UBE2O: variants seen among roughly 807,000 people sequenced by gnomAD.
UBE2O encodes the protein (E3-independent) E2 ubiquitin-conjugating enzyme.
A neutral mutation model predicts 125.8 loss-of-function variants in UBE2O; 15 were observed. The observed-to-expected ratio is 0.12, with a 90% CI of 0.08 to 0.18. The LOEUF (loss-of-function observed/expected upper bound fraction) is 0.18. Ranked by LOEUF, UBE2O falls within the 10% of genes least tolerant of loss-of-function variation. UBE2O has a pLI of 1.00. For synonymous variants in UBE2O, 708 were observed against 703.2 expected (o/e 1.01, Z -0.11); for missense variants, 1,280 against 1,723.6 (o/e 0.74, Z 4.56).
chr17:76,405,676 T>C lies in UBE2O; in HGVS notation c.418-104A>G. On this transcript the variant is annotated intron_variant, in intron 1 of 17. Transcript: ENST00000319380. This position sits in a 1 kb window ranked among gnomAD's most constrained non-coding sequence, Gnocchi z 6.1. ...AAAGCGTCACATCCACACTGCTAAG[T>C]GCACAAATCCTAAGCGTTTGGCTAG... The C allele has an allele frequency of 9.9e-7, 1 of 1,007,762 alleles. No individual in the cohort carries two copies. The highest frequency in any genetic ancestry group is 2.1e-5 in the Admixed American group (1 of 46,546). 62.4% of individuals were successfully genotyped at this position (1,007,762 alleles called of 1,614,324 possible). A position where few individuals can be genotyped will look rare whatever the true frequency, so the allele number is the denominator to read the frequency against.
At chr17:76,446,299 T>C (rs1567857764) in intron 1 of UBE2O, among the ~76,000 whole-genome samples, 1 of 152,188 alleles carries the variant, frequency 6.6e-6, no homozygotes, top group African/African-American at 2.4e-5. Context: ...CCCAGGACTG[T>C]TGTGCTGGCA....
chr17:76,449,162 T>C (rs2073195469), intron 1 of UBE2O, among the ~76,000 whole-genome samples: 1 of 152,262 alleles, frequency 6.6e-6, no homozygotes, highest in African/African-American at 2.4e-5. Context: ...TGTAAATTTG[T>C]TCACTAAAAA....
At chr17:76,446,732 G>C (rs2073158682) in intron 1 of UBE2O, among the ~76,000 whole-genome samples, 1 of 152,210 alleles carries the variant, frequency 6.6e-6, no homozygotes. Context: ...CACTTCTGAG[G>C]CAACACAGAA....
intron 1 of UBE2O, among the ~76,000 whole-genome samples, chr17:76,431,740 G>C (rs1201584051): frequency 2.5e-4 from 38 of 152,016 alleles, no homozygotes; most frequent in Non-Finnish European, 1.6e-4. Flanking sequence ...CCAGGAGTTT[G>C]GGACCAGCCT....
At chr17:76,425,117 C>T (rs1189700322) in intron 1 of UBE2O, among the ~76,000 whole-genome samples, 2 of 151,088 alleles carry the variant, frequency 1.3e-5, no homozygotes, top group Admixed American at 1.3e-4. Context: ...GTGATCCACC[C>T]GTCTGGGCCT....
intron 13 of UBE2O, among the ~76,000 whole-genome samples, chr17:76,397,069 C>T (rs1005309368): frequency 4.6e-5 from 7 of 152,194 alleles, no homozygotes; most frequent in African/African-American, 1.7e-4. Context: ...TCTGTTCCAG[C>T]CTCTCCTCCT....
chr17:76,452,596 G>T lies in UBE2O; in HGVS notation c.417+129C>A. The T allele has an allele frequency of 1.2e-6, 1 of 856,370 alleles. No homozygotes were observed. The highest frequency in any genetic ancestry group is 1.6e-6 in the Non-Finnish European group (1 of 630,420). The allele number at this position is 856,370 out of a possible 1,614,324, so 53.0% of individuals were successfully genotyped here. ...TTGCATGGAGTGTACCCTCCACTGG[G>T]GCTGTCCTCCCGCGTCGGCCACTGC... On this transcript the variant is annotated intron_variant, in intron 1 of 17. Transcript: ENST00000319380. The surrounding 1 kb of genome is among the most constrained non-coding windows in gnomAD (Gnocchi z 4.4).
At chr17:76,436,480 C>T (rs4516263) in intron 1 of UBE2O, among the ~76,000 whole-genome samples, 91,951 of 151,848 alleles carry the variant, frequency 0.61, 28,669 homozygotes, top group South Asian at 0.69. Context: ...AATTTTTCTT[C>T]GGTGCTGGAT....
In UBE2O at chr17:76,398,881, T is replaced by A; in HGVS notation, c.1739A>T (p.Asp580Val). The A allele has an allele frequency of 6.2e-7, 1 of 1,614,182 alleles. No individual in the cohort carries two copies. ...SNDLFPVHHL[D>V]NNEFCPGDFV... Reference sequence around the variant, plus strand: ...GTCTCCAGGGCAGAACTCGTTGTTGTCCAGGTGGTGCACAGGGAAGAGGTC... The same window carrying A: ...GTCTCCAGGGCAGAACTCGTTGTTGACCAGGTGGTGCACAGGGAAGAGGTC... Residue 580 changes from aspartate to valine, a missense_variant, in exon 10 of 18, where the codon GAC (aspartate) becomes GTC (valine). Around this residue, in one of 10 missense-constraint regions of UBE2O, gnomAD observed 145 missense variants for 219.6 expected, o/e 0.66. Coordinates refer to ENST00000319380, the MANE Select transcript of UBE2O (RefSeq NM_022066.4). This position sits in a 1 kb window ranked among gnomAD's most constrained non-coding sequence, Gnocchi z 5.4.
rs1057038823 is a variant in UBE2O at position 76,410,318 on chromosome 17, T to A, written c.418-4746A>T. ...AGTGGTTCTCACCTAGGGGTAATTTTGCTCCTCAAAGGACATTTGGCAATG... is the reference window on the plus strand; with the variant it reads ...AGTGGTTCTCACCTAGGGGTAATTTAGCTCCTCAAAGGACATTTGGCAATG... On this transcript the variant is annotated intron_variant, in intron 1 of 17. Coordinates refer to ENST00000319380, the MANE Select transcript of UBE2O (RefSeq NM_022066.4). This position sits in a 1 kb window ranked among gnomAD's most constrained non-coding sequence, Gnocchi z 4.0. 4.6e-5 allele frequency among the ~76,000 whole-genome samples: 7 copies of A among 151,858 alleles called. No individual in the cohort carries two copies. The highest frequency in any genetic ancestry group is 1.7e-4 in the African/African-American group (7 of 41,346).
At chr17:76,394,719 G>T (rs1049617644) in intron 15 of UBE2O, among the ~76,000 whole-genome samples, 1 of 152,092 alleles carries the variant, frequency 6.6e-6, no homozygotes, top group Admixed American at 6.6e-5. Context: ...CAATCCTCTG[G>T]GTGTGGGAAG....
chr17:76,404,715 A>G lies in UBE2O; in HGVS notation c.588+491T>C, dbSNP rs116515291. ...GTGTGTGTATTCCGGGGTGGGTGAC[A>G]GGGCATCACATCTATAGCTTGCTGT... On this transcript the variant is annotated intron_variant, in intron 3 of 17. Coordinates refer to ENST00000319380, the MANE Select transcript of UBE2O (RefSeq NM_022066.4). The surrounding 1 kb of genome is among the most constrained non-coding windows in gnomAD (Gnocchi z 4.3). Among the ~76,000 whole-genome samples, 3,697 of 151,872 alleles carry G rather than the reference A, an allele frequency of 0.024. 49 individuals carry two copies. Among genetic ancestry groups the G allele is most frequent in the African/African-American group, 0.035 (1,435 of 41,434 alleles).
chr17:76,391,698 A>T lies in UBE2O; in HGVS notation c.3208+58T>A. On this transcript the variant is annotated intron_variant, in intron 17 of 17. Coordinates refer to ENST00000319380, the MANE Select transcript of UBE2O (RefSeq NM_022066.4). This position sits in a 1 kb window ranked among gnomAD's most constrained non-coding sequence, Gnocchi z 8.4. ...CTCCACCTGCCAGGGGGACTATCAG[A>T]GTCACTTTCCTCCACCGGCCCTCCC... is the stretch of plus-strand genomic sequence containing the variant. The T allele has an allele frequency of 6.2e-7, 1 of 1,608,698 alleles. No homozygotes were observed.
At chr17:76,392,680 C>T (rs1393575554) in intron 15 of UBE2O, among the ~76,000 whole-genome samples, 3 of 147,806 alleles carry the variant, frequency 2.0e-5, no homozygotes, top group African/African-American at 7.4e-5. Context: ...CAGCTGGGCG[C>T]GGTGGTTCGT....
intron 1 of UBE2O, among the ~76,000 whole-genome samples, chr17:76,436,268 T>C (rs2072997068): frequency 6.6e-6 from 1 of 152,014 alleles, no homozygotes; most frequent in African/African-American, 2.4e-5. Flanking sequence ...AATTTATTAA[T>C]TAATTAACAA....
In UBE2O at chr17:76,399,241, C is replaced by T; in HGVS notation, c.1628+208G>A. 4.3e-6 allele frequency: 3 copies of T among 701,170 alleles called. No individual in the cohort carries two copies. The South Asian group carries it at 5.6e-5, about 13-fold the overall frequency. 43.4% of individuals were successfully genotyped at this position (701,170 alleles called of 1,614,324 possible). On this transcript the variant is annotated intron_variant, in intron 9 of 17. Transcript: ENST00000319380. The surrounding 1 kb of genome is among the most constrained non-coding windows in gnomAD (Gnocchi z 6.9). ...TCCAGAAGGCCAAGCTTAAGGCCAC[C>T]ACCATCCCACCCTCTGCACCACTCC...
At chr17:76,392,870 T>C (rs974461646) in intron 15 of UBE2O, among the ~76,000 whole-genome samples, 1 of 151,906 alleles carries the variant, frequency 6.6e-6, no homozygotes, top group Non-Finnish European at 1.5e-5. Context: ...GGAGAATTGC[T>C]TCAACCCGGA....
rs1264667955 is a variant in UBE2O at position 76,452,816 on chromosome 17, T to C, written c.326A>G (p.His109Arg). ...CAGGGGGCTGGCCCGGCCCTCCTCG[T>C]GGCCCGCGCCCCCGGCCTCGGAGCA... ...SGCSEAGGAG[H>R]EEGRASPLRR... The change falls in exon 1 of 18, where the codon CAC (histidine) becomes CGC (arginine). Residue 109 changes from histidine to arginine, a missense_variant. Transcript: ENST00000319380. This position sits in a 1 kb window ranked among gnomAD's most constrained non-coding sequence, Gnocchi z 4.4. 6.6e-7 allele frequency: 1 copy of C among 1,510,804 alleles called. No homozygotes were observed. The highest frequency in any genetic ancestry group is 1.4e-5 in the African/African-American group (1 of 69,536). The allele number at this position is 1,510,804 out of a possible 1,614,324, so 93.6% of individuals were successfully genotyped here.
At position 76,404,976 on chromosome 17, in the gene UBE2O, G is replaced by GA. The variant is rs1182271808; in HGVS notation, c.588+229_588+230insT. 6.6e-6 allele frequency among the ~76,000 whole-genome samples: 1 copy of GA among 152,144 alleles called. No homozygotes were observed. The highest frequency in any genetic ancestry group is 1.5e-5 in the Non-Finnish European group (1 of 68,014). ...AAAAACACTTAAAGATAACCACACT[G>GA]GCAGCCTATGCTGGGGTTGGGGAAG... is the stretch of plus-strand genomic sequence containing the variant. On this transcript the variant is annotated intron_variant, in intron 3 of 17. Transcript: ENST00000319380. This position sits in a 1 kb window ranked among gnomAD's most constrained non-coding sequence, Gnocchi z 4.3.
Sources: gnomAD v4.1 joint callset for allele counts (sites outside exome capture counted in the v4.1 genomes callset) on GRCh38, gnomAD v4.1.1 for gene constraint, gnomAD v4.1.1 regional missense constraint, Gnocchi (gnomAD v3.1) non-coding constraint, MANE v1.5 for transcripts, NCBI Gene and HGNC (gene_info 2026-07-23, HGNC 2026-07-21) for gene names.